The following MYO1D variants were observed in gnomAD, a reference collection of about 807,000 sequenced individuals.
MYO1D encodes unconventional myosin-Id.
MYO1D carries 83 observed loss-of-function variants against 122.0 expected under a neutral mutation model. The observed-to-expected ratio is 0.68, with a 90% CI of 0.57 to 0.82. The LOEUF is 0.82. MYO1D is among the 40% of genes least tolerant of loss of function. The pLI, the probability that MYO1D is intolerant of heterozygous loss-of-function variation, is 0.00. For missense variants in MYO1D, 1,157 were observed against 1,269.5 expected, an observed-to-expected ratio of 0.91 and a Z score of 1.35; for synonymous variants, 464 against 446.9, an observed-to-expected ratio of 1.04 and a Z score of -0.48.
intron 20 of MYO1D, among the ~76,000 whole-genome samples, chr17:32,613,492 TAGGCC>T (rs2087729605): frequency 6.6e-6 from 1 of 152,048 alleles, no homozygotes; most frequent in African/African-American, 2.4e-5. Flanking sequence ...TACCTCAATA[TAGGCC>T]AGGTGCAGTG....
chr17:32,567,807 T>C (rs568008319), intron 21 of MYO1D, among the ~76,000 whole-genome samples: 1 of 152,298 alleles, frequency 6.6e-6, no homozygotes, highest in African/African-American at 2.4e-5. Context: ...CTTGCATCAT[T>C]GAGGCTGTGT....
intron 16 of MYO1D, among the ~76,000 whole-genome samples, chr17:32,703,236 C>T (rs2089268994): frequency 6.6e-6 from 1 of 152,010 alleles, no homozygotes; most frequent in African/African-American, 2.4e-5. Flanking sequence ...TATAGATGCC[C>T]TTTAAAAAAG....
intron 21 of MYO1D, chr17:32,529,706 T>C (rs1439615812): frequency 6.6e-6 from 1 of 152,350 alleles, no homozygotes; most frequent in Non-Finnish European, 1.5e-5. Flanking sequence ...TGTGTTTCTA[T>C]GGGCTGTCTG....
intron 16 of MYO1D, among the ~76,000 whole-genome samples, chr17:32,674,324 A>G (rs545935001): frequency 2.6e-5 from 4 of 152,356 alleles, no homozygotes; most frequent in African/African-American, 4.8e-5. Flanking sequence ...GCATTCTATC[A>G]TAACAGCTAC....
intron 21 of MYO1D, among the ~76,000 whole-genome samples, chr17:32,543,409 T>C (rs1910907302): frequency 6.7e-6 from 1 of 149,836 alleles, no homozygotes; most frequent in Admixed American, 6.7e-5. Flanking sequence ...ACCCTGTCTC[T>C]ACTAAAAATA....
chr17:32,572,974 C>T (rs898057506), intron 21 of MYO1D, among the ~76,000 whole-genome samples: 2 of 152,004 alleles, frequency 1.3e-5, no homozygotes, highest in African/African-American at 4.8e-5. Flanking sequence ...ACTTTCTTAG[C>T]GTTCATACCC....
At chr17:32,573,898 C>G (rs1198412875) in intron 21 of MYO1D, among the ~76,000 whole-genome samples, 2 of 152,088 alleles carry the variant, frequency 1.3e-5, no homozygotes, top group Non-Finnish European at 2.9e-5. Context: ...TTCACCCAGG[C>G]TGGAGTGCAG....
chr17:32,687,262 T>C (rs1404940533), intron 16 of MYO1D, among the ~76,000 whole-genome samples: 2 of 150,378 alleles, frequency 1.3e-5, no homozygotes, highest in Non-Finnish European at 1.5e-5. Flanking sequence ...AGTGGCGCGA[T>C]CTCAGCTCAC....
At chr17:32,591,664 C>CAAA (rs112581480) in intron 21 of MYO1D, among the ~76,000 whole-genome samples, 61 of 145,226 alleles carry the variant, frequency 4.2e-4, no homozygotes, top group Middle Eastern at 7.0e-3. Flanking sequence ...GTGATTTCAT[C>CAAA]AAAAAAAAAA....
intron 21 of MYO1D, chr17:32,602,621 G>T (rs1308761241): frequency 2.6e-5 from 4 of 152,182 alleles, no homozygotes; most frequent in African/African-American, 9.7e-5. Flanking sequence ...TTGTGAGGCT[G>T]GGCACTGTTC....
intron 1 of MYO1D, among the ~76,000 whole-genome samples, chr17:32,870,692 T>G (rs1341305664): frequency 6.6e-6 from 1 of 152,074 alleles, no homozygotes; most frequent in Non-Finnish European, 1.5e-5. Context: ...CATTTTAAGA[T>G]GTATTAAACA....
rs182787399 is a variant in MYO1D at position 32,853,057 on chromosome 17, A to C, written c.95+23721T>G. ...GCAAGAACAATAGCCTCAGCCTGTT[A>C]TCTTACCTTCTAACCCACACTCCAA... On this transcript the variant is annotated intron_variant, in intron 1 of 21. Transcript: ENST00000318217. Among the ~76,000 whole-genome samples, 619 of 152,330 alleles carry C rather than the reference A, an allele frequency of 4.1e-3. 3 individuals carry two copies. Among genetic ancestry groups the C allele is most frequent in the Non-Finnish European group, 6.5e-3 (442 of 68,018 alleles).
intron 20 of MYO1D, among the ~76,000 whole-genome samples, chr17:32,605,477 A>ACC (rs10675856): frequency 0.31 from 46,336 of 151,072 alleles, 7,289 homozygotes; most frequent in South Asian, 0.37. Flanking sequence ...TTGCTCAGTG[A>ACC]CCCCCTGACT....
intron 21 of MYO1D, among the ~76,000 whole-genome samples, chr17:32,499,949 C>A (rs987538140): frequency 6.6e-6 from 1 of 152,172 alleles, no homozygotes; most frequent in African/African-American, 2.4e-5. Flanking sequence ...AGTGACAGAG[C>A]AAGACCCCAT....
At chr17:32,500,742 C>T (rs1417883841) in intron 21 of MYO1D, among the ~76,000 whole-genome samples, 1 of 152,126 alleles carries the variant, frequency 6.6e-6, no homozygotes, top group Non-Finnish European at 1.5e-5. Context: ...CGCAGTGGCT[C>T]ACGCCGGTAA....
intron 1 of MYO1D, among the ~76,000 whole-genome samples, chr17:32,798,746 T>C (rs951987425): frequency 1.3e-5 from 2 of 152,198 alleles, no homozygotes; most frequent in African/African-American, 2.4e-5. Flanking sequence ...AGACCTAAAG[T>C]AGGTGAAAGA....
At chr17:32,649,367 C>T (rs2088351867) in intron 19 of MYO1D, among the ~76,000 whole-genome samples, 1 of 152,132 alleles carries the variant, frequency 6.6e-6, no homozygotes, top group African/African-American at 2.4e-5. Context: ...CCTCTCTTTC[C>T]CCAACCCCTA....
At chr17:32,742,291 A>T (rs569851175) in intron 13 of MYO1D, among the ~76,000 whole-genome samples, 15 of 152,354 alleles carry the variant, frequency 9.8e-5, no homozygotes, top group African/African-American at 3.6e-4. Flanking sequence ...GGAGGGTACC[A>T]GATGGAATTA....
intron 20 of MYO1D, among the ~76,000 whole-genome samples, chr17:32,615,031 C>T (rs1190013409): frequency 6.6e-6 from 1 of 152,224 alleles, no homozygotes; most frequent in Non-Finnish European, 1.5e-5. Flanking sequence ...CTCACAGTGC[C>T]TCTTTCAAAT....
Sources: gnomAD v4.1 joint callset for allele counts (sites outside exome capture counted in the v4.1 genomes callset) on GRCh38, gnomAD v4.1.1 for gene constraint, MANE v1.5 for transcripts, NCBI Gene and HGNC (gene_info 2026-07-23, HGNC 2026-07-21) for gene names.